LINGO2: variants seen among roughly 807,000 people sequenced by gnomAD.
LINGO2 encodes leucine rich repeat and Ig domain containing 2.
In LINGO2, 14 loss-of-function variants were observed where a neutral mutation model predicts 30.6. That is an observed-to-expected ratio of 0.46 (90% CI 0.30 to 0.72). LINGO2 has a LOEUF of 0.72. Among genes scored for constraint, LINGO2 ranks in the 30% least tolerant of loss-of-function variants. LINGO2 has a pLI of 0.07. For missense variants in LINGO2, 729 were observed against 751.7 expected (o/e 0.97, Z 0.35); for synonymous variants, 317 against 288.5 (o/e 1.10, Z -1.00).
chr9:28,408,132 C>A (rs1472036896), intron 2 of LINGO2, among the ~76,000 whole-genome samples: 1 of 152,134 alleles, frequency 6.6e-6, no homozygotes, highest in Non-Finnish European at 1.5e-5. Flanking sequence ...GTAAAACCAA[C>A]ACTCGTCTAG....
chr9:28,806,527 G>A, the LINGO2 span, among the ~76,000 whole-genome samples: 7 of 152,098 alleles, frequency 4.6e-5, no homozygotes, highest in East Asian at 1.3e-3. Context: ...ATTCGTTATT[G>A]ACTACAGACT....
chr9:28,908,156 TACAC>T, the LINGO2 span, among the ~76,000 whole-genome samples: 143 of 150,274 alleles, frequency 9.5e-4, no homozygotes, highest in African/African-American at 2.8e-3. Flanking sequence ...CACACACACA[TACAC>T]ACACACACAC....
At chr9:28,656,125 T>A (rs1159233661) in intron 1 of LINGO2, among the ~76,000 whole-genome samples, 2 of 152,066 alleles carry the variant, frequency 1.3e-5, no homozygotes, top group Admixed American at 1.3e-4. Context: ...TGGCTGACCT[T>A]CATGCTGAAG....
intron 4 of LINGO2, among the ~76,000 whole-genome samples, chr9:28,240,928 C>T (rs142011655): frequency 4.7e-4 from 71 of 152,054 alleles, no homozygotes; most frequent in African/African-American, 1.4e-3. Flanking sequence ...ACTACCCATC[C>T]GACAAGGGAT....
At chr9:28,299,860 G>A (rs954457843) in intron 3 of LINGO2, among the ~76,000 whole-genome samples, 1 of 152,040 alleles carries the variant, frequency 6.6e-6, no homozygotes, top group Admixed American at 6.6e-5. Flanking sequence ...TCTCAATAGG[G>A]TCTGGAAAAG....
intron 1 of LINGO2, among the ~76,000 whole-genome samples, chr9:28,604,120 G>T (rs1825606224): frequency 6.6e-6 from 1 of 151,870 alleles, no homozygotes; most frequent in Non-Finnish European, 1.5e-5. Context: ...CAGGTGGCAG[G>T]ACAGACCATT....
intron 4 of LINGO2, among the ~76,000 whole-genome samples, chr9:28,221,958 C>G (rs1451223386): frequency 1.3e-5 from 2 of 152,130 alleles, no homozygotes; most frequent in Non-Finnish European, 2.9e-5. Context: ...TTTTGGAAAA[C>G]TAGCCCTCAC....
chr9:28,175,430 G>T (rs551583209), intron 4 of LINGO2, among the ~76,000 whole-genome samples: 1 of 152,014 alleles, frequency 6.6e-6, no homozygotes, highest in Admixed American at 6.6e-5. Flanking sequence ...GGCAGACAGT[G>T]GCATGAAACC....
At chr9:28,762,429 A>T in the LINGO2 span, among the ~76,000 whole-genome samples, 1 of 152,050 alleles carries the variant, frequency 6.6e-6, no homozygotes, top group Non-Finnish European at 1.5e-5. Context: ...CTCTGAATCA[A>T]GGACAACCTA....
intron 1 of LINGO2, among the ~76,000 whole-genome samples, chr9:28,552,062 T>C (rs1484061941): frequency 1.3e-5 from 2 of 152,096 alleles, no homozygotes; most frequent in African/African-American, 2.4e-5. Context: ...AATCGCTAAC[T>C]GTCATTTAAT....
intron 4 of LINGO2, among the ~76,000 whole-genome samples, chr9:28,140,469 C>T (rs1310290964): frequency 6.6e-6 from 1 of 152,184 alleles, no homozygotes; most frequent in Non-Finnish European, 1.5e-5. Flanking sequence ...TTCAAGTGCA[C>T]ACACATCATT....
intron 4 of LINGO2, among the ~76,000 whole-genome samples, chr9:28,018,005 C>T (rs1406907671): frequency 6.6e-6 from 1 of 152,110 alleles, no homozygotes; most frequent in African/African-American, 2.4e-5. Flanking sequence ...GGAACAGAAA[C>T]AGACCCATAG....
intron 4 of LINGO2, among the ~76,000 whole-genome samples, chr9:28,071,771 G>A (rs1825485080): frequency 6.6e-6 from 1 of 151,932 alleles, no homozygotes; most frequent in Admixed American, 6.6e-5. Context: ...CTCTTTCTGT[G>A]CGTCATTCTC....
chr9:28,928,224 T>C, the LINGO2 span, among the ~76,000 whole-genome samples: 6 of 152,194 alleles, frequency 3.9e-5, no homozygotes, highest in Non-Finnish European at 5.9e-5. Context: ...CAAAACCCTT[T>C]TATATAACTA....
chr9:28,890,107 G>T, the LINGO2 span, among the ~76,000 whole-genome samples: 1 of 152,032 alleles, frequency 6.6e-6, no homozygotes, highest in East Asian at 1.9e-4. Flanking sequence ...GCCCTTGTAA[G>T]AGGCAGTATG....
the LINGO2 span, among the ~76,000 whole-genome samples, chr9:29,042,834 TAC>T: frequency 6.6e-6 from 1 of 151,900 alleles, no homozygotes; most frequent in South Asian, 2.1e-4. Flanking sequence ...CCTAAAAAGT[TAC>T]ATAACATATG....
chr9:28,457,871 A>G (rs914838327), intron 2 of LINGO2, among the ~76,000 whole-genome samples: 2 of 152,134 alleles, frequency 1.3e-5, no homozygotes, highest in South Asian at 2.1e-4. Flanking sequence ...CCTCATATAA[A>G]AAGTTACTGG....
At chr9:29,135,639 A>C in the LINGO2 span, among the ~76,000 whole-genome samples, 25 of 152,254 alleles carry the variant, frequency 1.6e-4, no homozygotes, top group South Asian at 4.8e-3. Context: ...CTTCTTTTAA[A>C]ATTCTAATAA....
intron 4 of LINGO2, among the ~76,000 whole-genome samples, chr9:28,035,361 G>A (rs1387319325): frequency 1.3e-5 from 2 of 152,194 alleles, no homozygotes; most frequent in Non-Finnish European, 2.9e-5. Flanking sequence ...GGGTATCAAT[G>A]ACTTCCTCAA....
Sources: allele counts gnomAD v4.1 joint callset (sites outside exome capture counted in the v4.1 genomes callset), GRCh38; gene constraint gnomAD v4.1.1; transcripts MANE v1.5; gene names NCBI Gene and HGNC (gene_info 2026-07-23, HGNC 2026-07-21).